PDLIM5: variants seen among roughly 807,000 people sequenced by gnomAD.
The protein encoded by PDLIM5 is PDZ and LIM domain protein 5.
PDLIM5 carries 34 observed loss-of-function variants against 64.2 expected under a neutral mutation model. That is an observed-to-expected ratio of 0.53 (90% CI 0.40 to 0.71). PDLIM5 has a LOEUF of 0.71. PDLIM5 is among the 30% of genes least tolerant of loss of function. The pLI, the probability that PDLIM5 is intolerant of heterozygous loss-of-function variation, is 0.00. For missense variants in PDLIM5, 683 were observed against 733.6 expected (o/e 0.93, Z 0.80); for synonymous variants, 253 against 269.1 (o/e 0.94, Z 0.59).
intron 3 of PDLIM5, among the ~76,000 whole-genome samples, chr4:94,566,064 C>T (rs1486589918): frequency 6.6e-6 from 1 of 152,152 alleles, no homozygotes; most frequent in Admixed American, 6.5e-5. Context: ...CCATTACTCT[C>T]TGAAATTCTT....
rs76255810 is a variant in PDLIM5, at chr4:94,601,433, G to C, written c.920+14989G>C. 2.8e-3 allele frequency among the ~76,000 whole-genome samples: 423 copies of C among 152,246 alleles called. 1 individual carries two copies. The highest frequency in any genetic ancestry group is 4.6e-3 in the Non-Finnish European group (316 of 67,994). On this transcript the variant is annotated intron_variant, in intron 7 of 12. Transcript: ENST00000317968. ...GATTTGGGGCTGGGGGGACACAAAC[G>C]TTCACTGTATAACAACAAATAATAA...
At chr4:94,584,996 C>G (rs763081391) in intron 5 of PDLIM5, 1 of 1,523,516 alleles carries the variant, frequency 6.6e-7, no homozygotes, top group East Asian at 2.3e-5. Context: ...GAAAATCCCA[C>G]CTAAACGGTA....
chr4:94,575,573 T>C, intron 4 of PDLIM5, 43 bp from the exon 5 acceptor site: 1 of 1,291,116 alleles, frequency 7.7e-7, no homozygotes, highest in South Asian at 1.4e-5. Flanking sequence ...ATTTTGCATG[T>C]GTTTGGTGTG....
At chr4:94,608,937 CCATA>C (rs1413385319) in intron 7 of PDLIM5, among the ~76,000 whole-genome samples, 2 of 152,092 alleles carry the variant, frequency 1.3e-5, no homozygotes, top group Non-Finnish European at 2.9e-5. Context: ...TAAAACTTAG[CCATA>C]CAGTTTAATT....
At chr4:94,631,902 G>C (rs533913349) in intron 8 of PDLIM5, among the ~76,000 whole-genome samples, 2 of 152,278 alleles carry the variant, frequency 1.3e-5, no homozygotes, top group Admixed American at 1.3e-4. Flanking sequence ...GACTCCCACA[G>C]ACTCAAATGT....
At chr4:94,619,656 A>G (rs1227974413) in intron 8 of PDLIM5, among the ~76,000 whole-genome samples, 1 of 151,754 alleles carries the variant, frequency 6.6e-6, no homozygotes, top group East Asian at 1.9e-4. Flanking sequence ...AAAAAGAGAG[A>G]CAGGATCTCA....
chr4:94,499,075 T>G (rs1000959593), intron 2 of PDLIM5, among the ~76,000 whole-genome samples: 1 of 152,158 alleles, frequency 6.6e-6, no homozygotes, highest in African/African-American at 2.4e-5. Flanking sequence ...TTGAACACTT[T>G]CAAAATAATT....
At chr4:94,498,474 A>G (rs1042674655) in intron 2 of PDLIM5, among the ~76,000 whole-genome samples, 1 of 146,034 alleles carries the variant, frequency 6.8e-6, no homozygotes, top group Non-Finnish European at 1.5e-5. Flanking sequence ...TGAGACATGC[A>G]TGTCACTTCT....
chr4:94,587,130 C>CTT (rs5860367), intron 7 of PDLIM5: 44 of 1,217,064 alleles, frequency 3.6e-5, no homozygotes, highest in East Asian at 1.7e-4. Flanking sequence ...TTTTCATTTA[C>CTT]TTTTTTTTTT....
intron 8 of PDLIM5, among the ~76,000 whole-genome samples, chr4:94,627,341 A>G (rs906045648): frequency 2.0e-5 from 3 of 152,170 alleles, no homozygotes; most frequent in Non-Finnish European, 4.4e-5. Context: ...CTTCATTGAA[A>G]TTTATTTGCG....
At chr4:94,620,960 A>G (rs970250936) in intron 8 of PDLIM5, among the ~76,000 whole-genome samples, 6 of 138,038 alleles carry the variant, frequency 4.3e-5, no homozygotes, top group African/African-American at 1.7e-4. Context: ...AGTCCTAGCT[A>G]CTCAGGAGGC....
intron 8 of PDLIM5, among the ~76,000 whole-genome samples, chr4:94,639,774 A>ATTTATTACCAATATTACCAAATTT (rs1157274724): frequency 6.6e-6 from 1 of 152,170 alleles, no homozygotes; most frequent in East Asian, 1.9e-4. Context: ...TATTTACCTT[A>ATTTATTACCAATATTACCAAATTT]ACCATGTCTT....
intron 2 of PDLIM5, among the ~76,000 whole-genome samples, chr4:94,500,147 C>T (rs1242107671): frequency 6.6e-6 from 1 of 152,164 alleles, no homozygotes; most frequent in Non-Finnish European, 1.5e-5. Context: ...TTTCATTAGA[C>T]AGACGCTTTT....
chr4:94,550,187 C>T (rs1266571815), intron 3 of PDLIM5, among the ~76,000 whole-genome samples: 1 of 152,036 alleles, frequency 6.6e-6, no homozygotes, highest in Non-Finnish European at 1.5e-5. Flanking sequence ...AGGTTTGCTT[C>T]AAGACATCTC....
chr4:94,594,663 G>A (rs1018745330), intron 7 of PDLIM5, among the ~76,000 whole-genome samples: 6 of 151,822 alleles, frequency 4.0e-5, no homozygotes, highest in Non-Finnish European at 7.4e-5. Flanking sequence ...GTTAAAAAAT[G>A]TTTTTCTTGA....
At chr4:94,614,314 C>T (rs1320398538) in intron 7 of PDLIM5, among the ~76,000 whole-genome samples, 1 of 152,006 alleles carries the variant, frequency 6.6e-6, no homozygotes, top group East Asian at 1.9e-4. Flanking sequence ...AAGGTCTTGC[C>T]GTGTTGCCCA....
At chr4:94,561,539 C>T (rs1186152765) in intron 3 of PDLIM5, among the ~76,000 whole-genome samples, 1 of 152,142 alleles carries the variant, frequency 6.6e-6, no homozygotes, top group African/African-American at 2.4e-5. Flanking sequence ...CAGCATGGAA[C>T]ATGTGTTTTT....
At chr4:94,619,601 C>T (rs1739061984) in intron 8 of PDLIM5, among the ~76,000 whole-genome samples, 1 of 151,892 alleles carries the variant, frequency 6.6e-6, no homozygotes, top group African/African-American at 2.4e-5. Flanking sequence ...GATCACGCCA[C>T]TGCACTCCAG....
intron 8 of PDLIM5, among the ~76,000 whole-genome samples, chr4:94,637,541 AG>A (rs1172615214): frequency 6.6e-6 from 1 of 152,224 alleles, no homozygotes; most frequent in Non-Finnish European, 1.5e-5. Context: ...CCTGGGCGAC[AG>A]GGCGAGACTC....
Sources: gnomAD v4.1 joint callset for allele counts (sites outside exome capture counted in the v4.1 genomes callset) on GRCh38, gnomAD v4.1.1 for gene constraint, MANE v1.5 for transcripts, NCBI Gene and HGNC (gene_info 2026-07-23, HGNC 2026-07-21) for gene names.